The following TNIK variants were observed in gnomAD, a reference collection of about 807,000 sequenced individuals.
The protein encoded by TNIK is TRAF2 and NCK-interacting protein kinase.
In TNIK, 49 loss-of-function variants were observed where a neutral mutation model predicts 191.3. The observed-to-expected ratio is 0.26, with a 90% CI of 0.20 to 0.32. TNIK has a LOEUF of 0.32. Ranked by LOEUF, TNIK falls within the 10% of genes least tolerant of loss-of-function variation. The pLI is 1.00. For synonymous variants in TNIK, 594 were observed against 600.9 expected (o/e 0.99, Z 0.17); for missense variants, 1,155 against 1,702.3 (o/e 0.68, Z 5.66).
At chr3:171,420,050 C>T (rs1172153659) in intron 1 of TNIK, among the ~76,000 whole-genome samples, 1 of 152,162 alleles carries the variant, frequency 6.6e-6, no homozygotes, top group African/African-American at 2.4e-5. Flanking sequence ...TACCAGTGTC[C>T]AAGTGATCAA....
chr3:171,357,548 G>A (rs902737987), intron 2 of TNIK, among the ~76,000 whole-genome samples: 80 of 121,706 alleles, frequency 6.6e-4, no homozygotes, highest in African/African-American at 2.5e-3. Flanking sequence ...CTCAGCCTCT[G>A]TACTTTTTTT....
Position 171,126,168 on chromosome 3 carries a change from C to A in TNIK, c.1774-17G>T. ...ATGTGGGATCTAAGCATCAAAACAA[C>A]ATGAAAACAGCACTATTAGAAGAAA... On this transcript the variant is annotated splice_polypyrimidine_tract_variant and intron_variant, in intron 16 of 32. Transcript: ENST00000436636. 2.0e-6 allele frequency: 3 copies of A among 1,493,582 alleles called. No individual in the cohort carries two copies. Among genetic ancestry groups the A allele is most frequent in the Admixed American group, 4.8e-5 (2 of 41,792 alleles). 92.5% of individuals were successfully genotyped at this position (1,493,582 alleles called of 1,614,324 possible).
intron 1 of TNIK, among the ~76,000 whole-genome samples, chr3:171,403,980 C>G (rs1577803412): frequency 2.0e-5 from 3 of 152,256 alleles, no homozygotes; most frequent in East Asian, 3.9e-4. Flanking sequence ...AAAGAGGTCA[C>G]AGGATATGGC....
At chr3:171,123,506 GA>G in intron 18 of TNIK, 89 bp downstream of exon 18, 5 of 1,120,830 alleles carry the variant, frequency 4.5e-6, no homozygotes, top group Non-Finnish European at 6.2e-6. Context: ...CCTCTGAAGA[GA>G]AAAAAGAACA....
chr3:171,231,305 TG>T (rs2109000224), intron 2 of TNIK, among the ~76,000 whole-genome samples: 1 of 150,632 alleles, frequency 6.6e-6, no homozygotes, highest in African/African-American at 2.5e-5. Context: ...GTTTTGTTGT[TG>T]TTGTTGTTTT....
intron 2 of TNIK, among the ~76,000 whole-genome samples, chr3:171,302,200 T>C (rs1158096810): frequency 6.6e-6 from 1 of 152,280 alleles, no homozygotes; most frequent in Non-Finnish European, 1.5e-5. Flanking sequence ...GCCACTTGGA[T>C]GAAGCCTGTG....
At chr3:171,311,287 G>A (rs184749168) in intron 2 of TNIK, among the ~76,000 whole-genome samples, 1 of 142,782 alleles carries the variant, frequency 7.0e-6, no homozygotes, top group East Asian at 1.9e-4. Flanking sequence ...ATTTGTGTGG[G>A]TAAATATTAG....
intron 1 of TNIK, among the ~76,000 whole-genome samples, chr3:171,448,237 A>C (rs554709131): frequency 6.6e-6 from 1 of 152,252 alleles, no homozygotes; most frequent in African/African-American, 2.4e-5. Flanking sequence ...AGTATGTTTC[A>C]CAGAGTTGTA....
chr3:171,416,803 A>G (rs1284797552), intron 1 of TNIK, among the ~76,000 whole-genome samples: 3 of 152,192 alleles, frequency 2.0e-5, no homozygotes, highest in Non-Finnish European at 2.9e-5. Flanking sequence ...TATATTTCCT[A>G]GGCCTGTCCT....
intron 1 of TNIK, among the ~76,000 whole-genome samples, chr3:171,396,470 C>T (rs940715024): frequency 1.3e-5 from 2 of 152,128 alleles, no homozygotes; most frequent in Non-Finnish European, 1.5e-5. Flanking sequence ...GTACACAATA[C>T]GTAGGAGTAG....
intron 17 of TNIK, 68 bp from the exon 18 acceptor site, chr3:171,123,770 C>T: frequency 4.1e-6 from 5 of 1,219,574 alleles, no homozygotes; most frequent in African/African-American, 3.1e-5. Context: ...TCAGAAAATC[C>T]TCCTTTCCAA....
intron 1 of TNIK, among the ~76,000 whole-genome samples, chr3:171,451,557 G>T (rs1400588646): frequency 1.3e-5 from 2 of 152,242 alleles, no homozygotes; most frequent in East Asian, 1.9e-4. Flanking sequence ...AGATACATAA[G>T]TAATAATACA....
intron 7 of TNIK, among the ~76,000 whole-genome samples, chr3:171,180,843 T>G (rs1360338504): frequency 6.6e-6 from 1 of 152,254 alleles, no homozygotes; most frequent in African/African-American, 2.4e-5. Context: ...AATGCATTTT[T>G]AATCCATAAA....
At chr3:171,193,490 AT>A (rs1738304742) in intron 5 of TNIK, among the ~76,000 whole-genome samples, 1 of 152,200 alleles carries the variant, frequency 6.6e-6, no homozygotes, top group Non-Finnish European at 1.5e-5. Context: ...TCTCAGTGAT[AT>A]TTTGTAGTTT....
At chr3:171,152,835 G>C (rs1349831054) in intron 12 of TNIK, among the ~76,000 whole-genome samples, 1 of 151,054 alleles carries the variant, frequency 6.6e-6, no homozygotes, top group Non-Finnish European at 1.5e-5. Context: ...GCAGTGGCAT[G>C]ATCTTGGCTC....
At chr3:171,082,160 G>A (rs1430205694) in intron 27 of TNIK, 91 bp downstream of exon 27, 1 of 1,488,944 alleles carries the variant, frequency 6.7e-7, no homozygotes, top group African/African-American at 1.4e-5. Flanking sequence ...TTTGTTAGCT[G>A]GGAAGGGCAG....
intron 2 of TNIK, among the ~76,000 whole-genome samples, chr3:171,338,747 C>G (rs1186094213): frequency 1.3e-5 from 2 of 150,876 alleles, no homozygotes; most frequent in African/African-American, 2.4e-5. Context: ...AGGGAATTCA[C>G]TTGCCTTGGC....
chr3:171,140,377 G>A lies in TNIK; in HGVS notation c.1332+22C>T, dbSNP rs1730644465. The A allele has an allele frequency of 3.3e-6, 5 of 1,524,316 alleles. No individual in the cohort carries two copies. The East Asian group carries it at 9.5e-5, about 29-fold the overall frequency. 94.4% of individuals were successfully genotyped at this position (1,524,316 alleles called of 1,614,324 possible). A position where few individuals can be genotyped will look rare whatever the true frequency, so the allele number is the denominator to read the frequency against. On this transcript the variant is annotated intron_variant, in intron 13 of 32. Transcript: ENST00000436636. ...TGGGGTCCCCGGGGGGCCATCAGTG[G>A]GGCTCCTGGTCCCAGCTGTACCTGT...
intron 1 of TNIK, among the ~76,000 whole-genome samples, chr3:171,428,572 G>A (rs993603137): frequency 6.6e-6 from 1 of 152,096 alleles, no homozygotes; most frequent in African/African-American, 2.4e-5. Flanking sequence ...TTGAACAATT[G>A]CTCTGAATCC....
Sources: allele counts gnomAD v4.1 joint callset (sites outside exome capture counted in the v4.1 genomes callset), GRCh38; gene constraint gnomAD v4.1.1; transcripts MANE v1.5; gene names NCBI Gene and HGNC (gene_info 2026-07-23, HGNC 2026-07-21).